Variants in TXNRD3 observed in about 807,000 individuals in gnomAD.
The protein encoded by TXNRD3 is TXNRD3 neighbor gene protein.
Under a neutral mutation model 78.2 loss-of-function variants are expected in TXNRD3, and 68 were observed. That is an observed-to-expected ratio of 0.87 (90% CI 0.72 to 1.06). TXNRD3 has a LOEUF of 1.06. Ranked by LOEUF, TXNRD3 falls within the 50% of genes least tolerant of loss-of-function variation. The probability of loss-of-function intolerance (pLI) is 0.00; values close to 1 mark genes in which losing one functional copy is unlikely to be tolerated. For synonymous variants in TXNRD3, 296 were observed against 300.1 expected, an observed-to-expected ratio of 0.99 and a Z score of 0.14; for missense variants, 751 against 809.5, an observed-to-expected ratio of 0.93 and a Z score of 0.88.
intron 14 of TXNRD3, 94 bp downstream of exon 14, chr3:126,610,943 G>A (rs1026250399): frequency 3.8e-5 from 29 of 756,534 alleles, no homozygotes; most frequent in Middle Eastern, 2.8e-4. Context: ...GCAAGATCCC[G>A]TCTCTAAAAA....
chr3:126,623,195 G>A (rs1474275274), intron 10 of TXNRD3, among the ~76,000 whole-genome samples: 1 of 152,180 alleles, frequency 6.6e-6, no homozygotes, highest in Non-Finnish European at 1.5e-5. Flanking sequence ...TAAAGAAACT[G>A]AATTCTCAAC....
intron 1 of TXNRD3, among the ~76,000 whole-genome samples, chr3:126,648,258 G>T (rs1933289294): frequency 6.6e-6 from 1 of 152,200 alleles, no homozygotes; most frequent in African/African-American, 2.4e-5. Flanking sequence ...CATGTTCATG[G>T]ATTGGAAGAT....
At chr3:126,653,877 T>C (rs1286503585) in intron 1 of TXNRD3, among the ~76,000 whole-genome samples, 1 of 152,172 alleles carries the variant, frequency 6.6e-6, no homozygotes, top group Non-Finnish European at 1.5e-5. Context: ...CTACAGATAC[T>C]AACATGCATG....
intron 4 of TXNRD3, 117 bp from the exon 5 acceptor site, chr3:126,644,170 A>T: frequency 7.3e-7 from 1 of 1,362,446 alleles, no homozygotes. Context: ...CTTTTACCTG[A>T]ATTATACCAG....
chr3:126,643,877 G>C, intron 5 of TXNRD3, 104 bp downstream of exon 5: 6 of 1,098,048 alleles, frequency 5.5e-6, no homozygotes, highest in Non-Finnish European at 7.6e-6. Flanking sequence ...CCAAGAAACA[G>C]GCGAGTTATA....
chr3:126,637,776 G>C (rs1387742364), intron 6 of TXNRD3, among the ~76,000 whole-genome samples: 1 of 151,652 alleles, frequency 6.6e-6, no homozygotes, highest in Non-Finnish European at 1.5e-5. Context: ...GTTTTAACTT[G>C]TAGTTTCATG....
intron 14 of TXNRD3, among the ~76,000 whole-genome samples, chr3:126,609,886 T>C (rs962978347): frequency 6.6e-6 from 1 of 152,158 alleles, no homozygotes; most frequent in Non-Finnish European, 1.5e-5. Flanking sequence ...GGTAACAATG[T>C]GTACAGTCTC....
intron 6 of TXNRD3, among the ~76,000 whole-genome samples, chr3:126,639,590 G>T (rs1280667078): frequency 2.6e-5 from 4 of 152,108 alleles, no homozygotes; most frequent in Admixed American, 1.3e-4. Flanking sequence ...CTTTTTCCGA[G>T]ACAAGATCTC....
intron 12 of TXNRD3, among the ~76,000 whole-genome samples, chr3:126,619,093 G>C (rs2107612745): frequency 6.6e-6 from 1 of 152,206 alleles, no homozygotes; most frequent in East Asian, 1.9e-4. Flanking sequence ...GGAAAAAAGG[G>C]AACTCTTACA....
intron 12 of TXNRD3, among the ~76,000 whole-genome samples, chr3:126,616,093 A>G (rs1422928883): frequency 6.6e-6 from 1 of 152,202 alleles, no homozygotes; most frequent in Non-Finnish European, 1.5e-5. Context: ...CCTTTATCAG[A>G]CTGAGTCAGA....
Position 126,655,082 on chromosome 3 carries a change from A to G in TXNRD3, c.-92T>C. 1 of 1,299,146 alleles carries G rather than the reference A, an allele frequency of 7.7e-7. No homozygotes were observed. Among genetic ancestry groups the G allele is most frequent in the South Asian group, 2.1e-5 (1 of 47,546 alleles). The allele number at this position is 1,299,146 out of a possible 1,614,324, so 80.5% of individuals were successfully genotyped here. A position where few individuals can be genotyped will look rare whatever the true frequency, so the allele number is the denominator to read the frequency against. On this transcript the variant is annotated 5_prime_UTR_variant, in exon 1 of 16. Transcript: ENST00000524230. ...CGGGACGGGGCCTGAGGGGCGGCGA[A>G]CGCTGCCCTCGCTGGCCACTCTCAC...
Position 126,655,057 on chromosome 3 carries a change from C to A in TXNRD3, c.-67G>T. 7.8e-7 allele frequency: 1 copy of A among 1,289,852 alleles called. No individual in the cohort carries two copies. Among genetic ancestry groups the A allele is most frequent in the South Asian group, 2.3e-5 (1 of 44,090 alleles). The allele number at this position is 1,289,852 out of a possible 1,614,324, so 79.9% of individuals were successfully genotyped here. A position where few individuals can be genotyped will look rare whatever the true frequency, so the allele number is the denominator to read the frequency against. On this transcript the variant is annotated 5_prime_UTR_variant, in exon 1 of 16. Transcript: ENST00000524230. The stretch of plus-strand genomic sequence containing the variant: ...ACCGAAACGCAGGCGGCTGCGGCGC[C>A]GGGACGGGGCCTGAGGGGCGGCGAA...
At chr3:126,640,166 G>A (rs1265936976) in intron 6 of TXNRD3, among the ~76,000 whole-genome samples, 3 of 8,202 alleles carry the variant, frequency 3.7e-4, no homozygotes, top group African/African-American at 5.6e-4. Context: ...GTGCAGTGGC[G>A]CGATCTCGGC....
chr3:126,644,841 C>A (rs1178278104), intron 3 of TXNRD3, among the ~76,000 whole-genome samples: 1 of 152,208 alleles, frequency 6.6e-6, no homozygotes, highest in Admixed American at 6.5e-5. Context: ...TCTCATAAAT[C>A]GATCTAACTT....
chr3:126,655,045 C>G lies in TXNRD3; in HGVS notation c.-55G>C. On this transcript the variant is annotated 5_prime_UTR_variant, in exon 1 of 16. Coordinates refer to ENST00000524230, the MANE Select transcript of TXNRD3 (RefSeq NM_052883.3). Reference sequence around the variant, plus strand: ...GCCTGCTCACAAACCGAAACGCAGGCGGCTGCGGCGCCGGGACGGGGCCTG... The same window carrying G: ...GCCTGCTCACAAACCGAAACGCAGGGGGCTGCGGCGCCGGGACGGGGCCTG... 7.8e-7 allele frequency: 1 copy of G among 1,289,348 alleles called. No individual in the cohort carries two copies. Among genetic ancestry groups the G allele is most frequent in the South Asian group, 2.3e-5 (1 of 43,834 alleles). The allele number at this position is 1,289,348 out of a possible 1,614,324, so 79.9% of individuals were successfully genotyped here. A position where few individuals can be genotyped will look rare whatever the true frequency, so the allele number is the denominator to read the frequency against.
intron 10 of TXNRD3, among the ~76,000 whole-genome samples, chr3:126,627,122 G>T (rs1938597133): frequency 6.6e-6 from 1 of 152,158 alleles, no homozygotes; most frequent in East Asian, 1.9e-4. Context: ...TTTCCACAAA[G>T]AATCTTCACA....
At chr3:126,616,453 C>T (rs540741667) in intron 12 of TXNRD3, among the ~76,000 whole-genome samples, 1 of 152,282 alleles carries the variant, frequency 6.6e-6, no homozygotes, top group Admixed American at 6.5e-5. Flanking sequence ...CTGAGTCAAT[C>T]CAATTCTTTC....
intron 15 of TXNRD3, 55 bp downstream of exon 15, chr3:126,608,444 T>A: frequency 6.8e-7 from 1 of 1,467,690 alleles, no homozygotes; most frequent in Non-Finnish European, 9.0e-7. Context: ...TGCTTTATAA[T>A]AGTTTTTCAA....
intron 12 of TXNRD3, among the ~76,000 whole-genome samples, chr3:126,620,077 C>T (rs1349406483): frequency 1.3e-5 from 2 of 152,036 alleles, no homozygotes; most frequent in African/African-American, 4.8e-5. Context: ...AGGCGGATCA[C>T]GAGGTTAGGA....
Sources: allele counts gnomAD v4.1 joint callset (sites outside exome capture counted in the v4.1 genomes callset), GRCh38; gene constraint gnomAD v4.1.1; transcripts MANE v1.5; gene names NCBI Gene and HGNC (gene_info 2026-07-23, HGNC 2026-07-21).